CRAMP1: variants seen among roughly 807,000 people sequenced by gnomAD.
The protein encoded by CRAMP1 is cramped chromatin regulator 1.
A neutral mutation model predicts 115.4 loss-of-function variants in CRAMP1; 50 were observed. That is an observed-to-expected ratio of 0.43 (90% confidence interval 0.35 to 0.55). The LOEUF is 0.55. CRAMP1 is among the 20% of genes least tolerant of loss of function. The pLI, the probability that CRAMP1 is intolerant of heterozygous loss-of-function variation, is 0.01. For synonymous variants in CRAMP1, 866 were observed against 745.4 expected, an observed-to-expected ratio of 1.16 and a Z score of -2.64; for missense variants, 1,679 against 1,721.7, an observed-to-expected ratio of 0.98 and a Z score of 0.44.
At position 1,656,697 on chromosome 16, in the gene CRAMP1, C is replaced by T. The variant is rs777559860; in HGVS notation, c.1940C>T (p.Ala647Val). 38 of 1,558,810 alleles carry T rather than the reference C, an allele frequency of 2.4e-5. No individual in the cohort carries two copies. In the South Asian group the frequency reaches 2.5e-4, roughly 10 times the overall value. ...AEELQEKGSP[A>V]GPPPSQGQPA... Reference sequence around the variant, plus strand: ...GAGCTCCAGGAGAAGGGGAGCCCCGCGGGGCCTCCGCCGTCTCAGGGACAG... The same window carrying T: ...GAGCTCCAGGAGAAGGGGAGCCCCGTGGGGCCTCCGCCGTCTCAGGGACAG... Residue 647 changes from alanine (A) to valine (V), a missense_variant, in exon 10 of 21, where the codon GCG (alanine) becomes GTG (valine). Coordinates refer to ENST00000397412, the MANE Select transcript of CRAMP1 (RefSeq NM_020825.4). This position sits in a 1 kb window ranked among gnomAD's most constrained non-coding sequence, Gnocchi z 5.6.
At chr16:1,641,942 C>T (rs572285039) in intron 6 of CRAMP1, among the ~76,000 whole-genome samples, 1 of 152,288 alleles carries the variant, frequency 6.6e-6, no homozygotes, top group Non-Finnish European at 1.5e-5. Flanking sequence ...GTTCCCAGTG[C>T]ACAGCCTGGT....
intron 4 of CRAMP1, among the ~76,000 whole-genome samples, chr16:1,637,481 G>T (rs554981604): frequency 5.7e-4 from 87 of 152,314 alleles, no homozygotes; most frequent in Middle Eastern, 3.4e-3. Context: ...GGCCTCACCT[G>T]TGTGCAGAGA....
At chr16:1,629,024 C>T (rs966819577) in intron 3 of CRAMP1, among the ~76,000 whole-genome samples, 2 of 152,246 alleles carry the variant, frequency 1.3e-5, no homozygotes, top group Admixed American at 1.3e-4. Flanking sequence ...CGCCTCCTTC[C>T]TCTGAATACC....
intron 2 of CRAMP1, among the ~76,000 whole-genome samples, chr16:1,619,980 G>T (rs2036452577): frequency 6.6e-6 from 1 of 152,226 alleles, no homozygotes; most frequent in Admixed American, 6.5e-5. Context: ...CCGACTGCCT[G>T]TCGTATAGGA....
intron 13 of CRAMP1, among the ~76,000 whole-genome samples, chr16:1,664,624 C>A (rs1596497539): frequency 6.6e-6 from 1 of 152,198 alleles, no homozygotes; most frequent in Admixed American, 6.5e-5. Context: ...ACTAAAAATA[C>A]AAAAACTAGC....
intron 6 of CRAMP1, 124 bp from the exon 7 acceptor site, chr16:1,652,372 A>C: frequency 1.3e-6 from 1 of 744,312 alleles, no homozygotes; most frequent in Non-Finnish European, 2.2e-6. Flanking sequence ...CGCGGGCTCG[A>C]GAGGCTGGGG....
In CRAMP1 at chr16:1,674,175, C is replaced by T; in HGVS notation, c.*130C>T. The T allele has an allele frequency of 1.1e-6, 1 of 906,764 alleles. No individual in the cohort carries two copies. The allele number at this position is 906,764 out of a possible 1,614,324, so 56.2% of individuals were successfully genotyped here. A position where few individuals can be genotyped will look rare whatever the true frequency, so the allele number is the denominator to read the frequency against. ...ACTGTGCAACGGGCAGGAACGTGGT[C>T]ACAGAGCTGCTTCCCCACGAGCAGC... On this transcript the variant is annotated 3_prime_UTR_variant, in exon 21 of 21. Transcript: ENST00000397412.
At chr16:1,645,832 C>T (rs1158429664) in intron 6 of CRAMP1, among the ~76,000 whole-genome samples, 4 of 152,192 alleles carry the variant, frequency 2.6e-5, no homozygotes, top group Non-Finnish European at 4.4e-5. Flanking sequence ...TTGGCCTCTT[C>T]ACTTACAGTT....
chr16:1,649,113 T>C, intron 6 of CRAMP1, among the ~76,000 whole-genome samples: 1 of 151,828 alleles, frequency 6.6e-6, no homozygotes, highest in East Asian at 1.9e-4. Flanking sequence ...TGGGGACTCA[T>C]CCTCTCTAAA....
chr16:1,627,592 G>A (rs113051464), intron 3 of CRAMP1, among the ~76,000 whole-genome samples: 1 of 152,176 alleles, frequency 6.6e-6, no homozygotes, highest in Non-Finnish European at 1.5e-5. Context: ...GGCCAGGGTC[G>A]CTCCCGCCCT....
chr16:1,653,329 T>G (rs2036740393), intron 8 of CRAMP1, among the ~76,000 whole-genome samples, 173 bp downstream of exon 8: 1 of 152,154 alleles, frequency 6.6e-6, no homozygotes, highest in African/African-American at 2.4e-5. Flanking sequence ...AGCACTGGGC[T>G]GCAGTCCTGT....
At position 1,657,000 on chromosome 16, in the gene CRAMP1, G is replaced by A; in HGVS notation, c.2235+8G>A. 3 of 1,505,512 alleles carry A rather than the reference G, an allele frequency of 2.0e-6. No individual in the cohort carries two copies. Among genetic ancestry groups the A allele is most frequent in the Non-Finnish European group, 2.7e-6 (3 of 1,126,844 alleles). 93.3% of individuals were successfully genotyped at this position (1,505,512 alleles called of 1,614,324 possible). A position where few individuals can be genotyped will look rare whatever the true frequency, so the allele number is the denominator to read the frequency against. On this transcript the variant is annotated splice_region_variant and intron_variant, in intron 10 of 20. Coordinates refer to ENST00000397412, the MANE Select transcript of CRAMP1 (RefSeq NM_020825.4). The surrounding 1 kb of genome is among the most constrained non-coding windows in gnomAD (Gnocchi z 5.6). ...GAGGTCAACCCCAAGCTGGTGAGTG[G>A]GTTGGAGCCCAGCCCCTCTGGCGGC...
chr16:1,666,330 G>C lies in CRAMP1; in HGVS notation c.2858-92G>C. On this transcript the variant is annotated intron_variant, in intron 15 of 20. Transcript: ENST00000397412. The surrounding 1 kb of genome is among the most constrained non-coding windows in gnomAD (Gnocchi z 5.0). ...GCCCTTGGCTCTTGCATTGACATGA[G>C]GTGCGAGGGAGAAGCTGTTCCCCGA... 1 of 1,293,138 alleles carries C rather than the reference G, an allele frequency of 7.7e-7. No individual in the cohort carries two copies. The highest frequency in any genetic ancestry group is 1.8e-4 in the Middle Eastern group (1 of 5,432). The allele number at this position is 1,293,138 out of a possible 1,614,324, so 80.1% of individuals were successfully genotyped here.
At chr16:1,641,074 G>A (rs1212198560) in intron 5 of CRAMP1, 65 bp from the exon 6 acceptor site, 3 of 1,105,824 alleles carry the variant, frequency 2.7e-6, no homozygotes, top group Non-Finnish European at 4.1e-6. Flanking sequence ...AATTGTATGG[G>A]AATCTTCAGT....
intron 4 of CRAMP1, among the ~76,000 whole-genome samples, chr16:1,637,592 T>C (rs1648028213): frequency 6.6e-6 from 1 of 152,250 alleles, no homozygotes; most frequent in Non-Finnish European, 1.5e-5. Flanking sequence ...CTCTGCCTAT[T>C]GGGGTAAATT....
At position 1,614,270 on chromosome 16, in the gene CRAMP1, A is replaced by G. The variant is rs1442016305; in HGVS notation, c.-1-369A>G. On this transcript the variant is annotated intron_variant, in intron 1 of 20. Coordinates refer to ENST00000397412, the MANE Select transcript of CRAMP1 (RefSeq NM_020825.4). The surrounding 1 kb of genome is among the most constrained non-coding windows in gnomAD (Gnocchi z 4.4). ...GGCGGGGCAGCGGCCCGGACCCGCAACCGTGCCCAGACCCGCGCCCGCGCC... is the reference window on the plus strand; with the variant it reads ...GGCGGGGCAGCGGCCCGGACCCGCAGCCGTGCCCAGACCCGCGCCCGCGCC... Among the ~76,000 whole-genome samples the G allele has an allele frequency of 6.9e-6, 1 of 145,398 alleles. No individual in the cohort carries two copies. Among genetic ancestry groups the G allele is most frequent in the African/African-American group, 2.5e-5 (1 of 40,418 alleles).
At chr16:1,650,342 T>G (rs897357409) in intron 6 of CRAMP1, among the ~76,000 whole-genome samples, 2 of 152,160 alleles carry the variant, frequency 1.3e-5, no homozygotes, top group African/African-American at 2.4e-5. Flanking sequence ...ACTGCGGGAG[T>G]CATCTGGAGA....
intron 4 of CRAMP1, among the ~76,000 whole-genome samples, chr16:1,633,696 G>T (rs1233745215): frequency 1.3e-5 from 2 of 152,196 alleles, no homozygotes; most frequent in Non-Finnish European, 2.9e-5. Flanking sequence ...GTGCCTTCCA[G>T]AGTGGCACGC....
At chr16:1,637,280 T>G (rs192435705) in intron 4 of CRAMP1, among the ~76,000 whole-genome samples, 2 of 147,118 alleles carry the variant, frequency 1.4e-5, no homozygotes, top group African/African-American at 2.5e-5. Flanking sequence ...GGCGAGAGAG[T>G]GAGACCCTGT....
Sources: allele counts gnomAD v4.1 joint callset (sites outside exome capture counted in the v4.1 genomes callset), GRCh38; gene constraint gnomAD v4.1.1; non-coding constraint Gnocchi (gnomAD v3.1); transcripts MANE v1.5; gene names NCBI Gene and HGNC (gene_info 2026-07-23, HGNC 2026-07-21).